ADA2: variants seen among roughly 807,000 people sequenced by gnomAD.
ADA2 encodes the protein adenosine deaminase CECR1.
ADA2 carries 29 observed loss-of-function variants against 44.2 expected under a neutral mutation model. That is an observed-to-expected ratio of 0.66 (90% CI 0.49 to 0.89). ADA2 has a LOEUF of 0.89. Among genes scored for constraint, ADA2 ranks in the 40% least tolerant of loss-of-function variants. ADA2 has a pLI of 0.00. For missense variants in ADA2, 637 were observed against 644.8 expected (o/e 0.99, Z 0.13); for synonymous variants, 215 against 234.9 (o/e 0.92, Z 0.77).
chr22:17,185,216 G>C (rs2062022368), intron 7 of ADA2, among the ~76,000 whole-genome samples: 1 of 151,062 alleles, frequency 6.6e-6, no homozygotes, highest in African/African-American at 2.4e-5. Flanking sequence ...TTCCGGACCA[G>C]CATGACCAAC....
chr22:17,221,841 CTGT>C (rs1001308180), upstream of ADA2: 1 of 152,248 alleles, frequency 6.6e-6, no homozygotes, highest in Non-Finnish European at 1.5e-5. Flanking sequence ...TATTGGCCCT[CTGT>C]GGCTAAAACC....
chr22:17,202,059 C>A (rs944886704), intron 4 of ADA2, among the ~76,000 whole-genome samples: 4 of 150,830 alleles, frequency 2.7e-5, no homozygotes, highest in Non-Finnish European at 4.4e-5. Flanking sequence ...GCAAGCTCCT[C>A]CCCCTGGGTT....
intron 4 of ADA2, among the ~76,000 whole-genome samples, chr22:17,200,151 C>T (rs531345068): frequency 7.2e-5 from 11 of 152,058 alleles, no homozygotes; most frequent in Admixed American, 2.0e-4. Context: ...GCCAAGATCA[C>T]GCCACTTTAC....
chr22:17,203,730 T>C lies in ADA2; in HGVS notation c.586A>G (p.Ile196Val). 6.2e-7 allele frequency: 1 copy of C among 1,614,134 alleles called. No individual in the cohort carries two copies. The highest frequency in any genetic ancestry group is 2.2e-5 in the East Asian group (1 of 44,882). Reference sequence around the variant, plus strand: ...CAGACAACATTTTGGTTTGTGTAAATCACCTCCGGGTGCTGGGTCACCAGA... The same window carrying C: ...CAGACAACATTTTGGTTTGTGTAAACCACCTCCGGGTGCTGGGTCACCAGA... ...FTLVTQHPEVIYTNQNVVWSK... is the reference protein window; with the variant it reads ...FTLVTQHPEVVYTNQNVVWSK... The change falls in exon 4 of 10, where the codon ATT (isoleucine) becomes GTT (valine). Residue 196 changes from isoleucine (I) to valine (V), a missense_variant. Physicochemically the swap from Ile to Val is conservative, Grantham distance 29 (BLOSUM62 3). Coordinates refer to ENST00000399837, the MANE Select transcript of ADA2 (RefSeq NM_001282225.2).
chr22:17,201,764 G>T (rs890199142), intron 4 of ADA2, among the ~76,000 whole-genome samples: 10 of 152,182 alleles, frequency 6.6e-5, no homozygotes, highest in African/African-American at 2.2e-4. Context: ...CTCCTCGAAA[G>T]ATCCCTCCCC....
intron 3 of ADA2, among the ~76,000 whole-genome samples, chr22:17,204,122 T>TC (rs1307459572): frequency 1.3e-5 from 2 of 151,982 alleles, no homozygotes; most frequent in African/African-American, 4.8e-5. Flanking sequence ...TCTCTCTCTC[T>TC]TTTTTTCTTC....
intron 1 of ADA2, among the ~76,000 whole-genome samples, chr22:17,214,335 T>C (rs1314290601): frequency 6.6e-6 from 1 of 152,218 alleles, no homozygotes; most frequent in Non-Finnish European, 1.5e-5. Context: ...AAAGTAAAAT[T>C]GTCCTTGTAC....
intron 4 of ADA2, among the ~76,000 whole-genome samples, chr22:17,192,176 T>G (rs1402292026): frequency 1.3e-5 from 2 of 152,138 alleles, no homozygotes; most frequent in African/African-American, 4.8e-5. Context: ...GCATTGTCTC[T>G]GCTGCTGCAT....
intron 3 of ADA2, among the ~76,000 whole-genome samples, chr22:17,205,350 GTGAT>G (rs1014787872): frequency 1.3e-5 from 2 of 152,130 alleles, no homozygotes; most frequent in Non-Finnish European, 2.9e-5. Flanking sequence ...CTGGGTGCAA[GTGAT>G]CCTCCCACCT....
At chr22:17,199,798 A>G (rs2062251418) in intron 4 of ADA2, 1 of 1,390,636 alleles carries the variant, frequency 7.2e-7, no homozygotes, top group South Asian at 1.5e-5. Flanking sequence ...AGATGAATTA[A>G]TAGCTGGGCA....
chr22:17,201,329 G>T (rs1213842156), intron 4 of ADA2, among the ~76,000 whole-genome samples: 2 of 152,170 alleles, frequency 1.3e-5, no homozygotes, highest in African/African-American at 2.4e-5. Flanking sequence ...TTATGAATTT[G>T]TTCAGTGTGT....
intron 4 of ADA2, chr22:17,199,442 C>CCCCTCCCTCCCCTCCTCAATCCTCATA: frequency 9.8e-7 from 1 of 1,022,720 alleles, no homozygotes; most frequent in Non-Finnish European, 1.5e-6. Flanking sequence ...CTATCCTCTT[C>CCCCTCCCTCCCCTCCTCAATCCTCATA]CCCTCCACCC....
chr22:17,217,927 A>T (rs1432814511), intron 1 of ADA2, among the ~76,000 whole-genome samples: 1 of 152,246 alleles, frequency 6.6e-6, no homozygotes, highest in Non-Finnish European at 1.5e-5. Context: ...GACCTTAGGA[A>T]CAGCCTCAAA....
chr22:17,191,749 A>G lies in ADA2; in HGVS notation c.815T>C (p.Val272Ala). Residue 272 changes from valine to alanine, a missense_variant, in exon 5 of 10, where the codon GTA becomes GCA. Transcript: ENST00000399837. ...EEWSVKTYQE[V>A]AQKFVETHPE... ...GTGAGTTTCCACAAACTTCTGAGCT[A>G]CTTCCTGGTAAGTCTTCACTGACCA... The G allele has an allele frequency of 6.2e-7, 1 of 1,613,576 alleles. No homozygotes were observed. The highest frequency in any genetic ancestry group is 8.5e-7 in the Non-Finnish European group (1 of 1,179,562).
At chr22:17,218,204 A>G (rs752031598) in intron 1 of ADA2, among the ~76,000 whole-genome samples, 20 of 152,244 alleles carry the variant, frequency 1.3e-4, no homozygotes, top group Admixed American at 3.3e-4. Flanking sequence ...TTTTAAGTTA[A>G]AGAAAAATAT....
At chr22:17,189,552 A>G (rs1196353380) in intron 6 of ADA2, among the ~76,000 whole-genome samples, 2 of 152,154 alleles carry the variant, frequency 1.3e-5, no homozygotes, top group African/African-American at 2.4e-5. Flanking sequence ...CCCGCGTGCT[A>G]CAGGGGCTGG....
chr22:17,182,084 T>G (rs1361056559), intron 8 of ADA2, 62 bp from the exon 9 acceptor site: 6 of 1,356,612 alleles, frequency 4.4e-6, no homozygotes, highest in Non-Finnish European at 6.2e-6. Context: ...TAGTCACAAG[T>G]GAGGTGAGAC....
chr22:17,195,946 G>C (rs1210049594), intron 4 of ADA2, among the ~76,000 whole-genome samples: 1 of 151,682 alleles, frequency 6.6e-6, no homozygotes, highest in Admixed American at 6.6e-5. Flanking sequence ...ACGGGGTTTC[G>C]CCATGCTGGT....
At position 17,193,221 on chromosome 22, in the gene ADA2, G is replaced by T. The variant is rs960605345; in HGVS notation, c.754-1411C>A. ...ACATCGCTCACAACGTTTCCTCTAA[G>T]AACCACGAAGCCATCGTGGAAAGAG... On this transcript the variant is annotated intron_variant, in intron 4 of 9. Coordinates refer to ENST00000399837, the MANE Select transcript of ADA2 (RefSeq NM_001282225.2). The T allele has an allele frequency of 2.6e-6, 3 of 1,138,510 alleles. No homozygotes were observed. In the African/African-American group the frequency reaches 4.6e-5, roughly 17 times the overall value. 70.5% of individuals were successfully genotyped at this position (1,138,510 alleles called of 1,614,324 possible). A position where few individuals can be genotyped will look rare whatever the true frequency, so the allele number is the denominator to read the frequency against.
Sources: allele counts gnomAD v4.1 joint callset (sites outside exome capture counted in the v4.1 genomes callset), GRCh38; gene constraint gnomAD v4.1.1; transcripts MANE v1.5; gene names NCBI Gene and HGNC (gene_info 2026-07-23, HGNC 2026-07-21).